The following SRRD variants were observed in gnomAD, a reference collection of about 807,000 sequenced individuals.
SRRD encodes the protein SRR1 domain containing.
A neutral mutation model predicts 30.7 loss-of-function variants in SRRD; 28 were observed. The ratio of observed to expected loss-of-function variants is 0.91; its 90% confidence interval spans 0.68 to 1.25. SRRD has a LOEUF of 1.25. Among genes scored for constraint, SRRD ranks in the 50% most tolerant of loss-of-function variants. The pLI is 0.00. For missense variants in SRRD, 415 were observed against 417.3 expected (o/e 0.99, Z 0.05); for synonymous variants, 161 against 159.6 (o/e 1.01, Z -0.07).
At chr22:26,486,426 G>A (rs1602180441) in intron 2 of SRRD, among the ~76,000 whole-genome samples, 1 of 152,304 alleles carries the variant, frequency 6.6e-6, no homozygotes, top group East Asian at 1.9e-4. Flanking sequence ...TAAACATAGT[G>A]TGTGGGTGGC....
intron 4 of SRRD, among the ~76,000 whole-genome samples, chr22:26,489,225 T>A (rs1412638148): frequency 6.6e-6 from 1 of 152,186 alleles, no homozygotes; most frequent in Non-Finnish European, 1.5e-5. Flanking sequence ...AGATCATCTT[T>A]CTGGGTGCCT....
chr22:26,489,757 C>CA (rs1920981923), intron 4 of SRRD, among the ~76,000 whole-genome samples: 1 of 152,156 alleles, frequency 6.6e-6, no homozygotes, highest in Non-Finnish European at 1.5e-5. Flanking sequence ...TTCTTGCCGT[C>CA]ATAGACCCAG....
chr22:26,491,047 A>G lies in SRRD; in HGVS notation c.787A>G (p.Lys263Glu), dbSNP rs762949025. ...EERLLARILQKNYPYIAKILK... is the reference protein window; with the variant it reads ...EERLLARILQENYPYIAKILK... ...TAGGTTGTTGGCAAGGATTCTGCAGAAAAATTATCCCTACATTGCAAAGGT... is the reference window on the plus strand; with the variant it reads ...TAGGTTGTTGGCAAGGATTCTGCAGGAAAATTATCCCTACATTGCAAAGGT... Residue 263 changes from lysine to glutamate, a missense_variant, in exon 6 of 7, where the codon AAA becomes GAA. Coordinates refer to ENST00000215917, the MANE Select transcript of SRRD (RefSeq NM_001013694.3). 1.2e-5 allele frequency: 20 copies of G among 1,612,434 alleles called. No individual in the cohort carries two copies. The highest frequency in any genetic ancestry group is 1.6e-5 in the Non-Finnish European group (19 of 1,179,568).
rs767467096 is a variant in SRRD at position 26,490,063 on chromosome 22, G to A, written c.629G>A (p.Arg210His). The A allele has an allele frequency of 9.9e-6, 16 of 1,613,844 alleles. No individual in the cohort carries two copies. In the Admixed American group the frequency reaches 1.5e-4, roughly 15 times the overall value. ...CCCCAGGAAGGGAAACGGAGTATTC[G>A]CGGGGAGCCTACCATCTTTTACATG... ...SENEEGKRSI[R>H]GEPTIFYMLH... The change falls in exon 5 of 7, where the codon CGC becomes CAC. Residue 210 changes from arginine (R) to histidine (H), a missense_variant. Coordinates refer to ENST00000215917, the MANE Select transcript of SRRD (RefSeq NM_001013694.3).
Position 26,490,148 on chromosome 22 carries a change from C to G in SRRD, c.714C>G (p.Ala238=). 6.2e-7 allele frequency: 1 copy of G among 1,614,088 alleles called. No homozygotes were observed. The highest frequency in any genetic ancestry group is 8.5e-7 in the Non-Finnish European group (1 of 1,180,018). Residue 238 remains alanine, a synonymous_variant, in exon 5 of 7, where the codon GCC becomes GCG. Transcript: ENST00000215917. ...TATGGAGTAACTGGTCAGTAGATGC[C>G]CTTTCTAAGATGGTCATCATTGGGA... ...NLLWSNWSVD[A]LSKMVIIGNS...
chr22:26,486,193 G>A (rs2091707556), intron 2 of SRRD, 130 bp downstream of exon 2: 1 of 944,476 alleles, frequency 1.1e-6, no homozygotes, highest in South Asian at 1.5e-5. Flanking sequence ...ACAGCTGTAT[G>A]TCTTTTGGCA....
rs562544500 is a variant in SRRD, at chr22:26,494,511, C to CT, written c.*2840dup. 458 of 715,720 alleles carry CT rather than the reference C, an allele frequency of 6.4e-4. 2 individuals carry two copies. In the African/African-American group the frequency reaches 6.9e-3, roughly 11 times the overall value. 44.3% of individuals were successfully genotyped at this position (715,720 alleles called of 1,614,324 possible). ...TAAAGTGCCCTTGCATGTAAACTCT[C>CT]TGAGCCTCAGCTTCCATGTCTACAC... On this transcript the variant is annotated 3_prime_UTR_variant, in exon 7 of 7. Transcript: ENST00000215917.
Position 26,483,993 on chromosome 22 carries a change from CGGG to C in SRRD, c.106_108del (p.Gly36del). 5 of 49,772 alleles carry C rather than the reference CGGG, an allele frequency of 1.0e-4. No individual in the cohort carries two copies. The highest frequency in any genetic ancestry group is 1.0e-3 in the South Asian group (4 of 3,984). The allele number at this position is 49,772 out of a possible 1,614,324, so 3.1% of individuals were successfully genotyped here. A position where few individuals can be genotyped will look rare whatever the true frequency, so the allele number is the denominator to read the frequency against. On this transcript the variant is annotated inframe_deletion, in exon 1 of 7. Coordinates refer to ENST00000215917, the MANE Select transcript of SRRD (RefSeq NM_001013694.3). The stretch of plus-strand genomic sequence containing the variant: ...GCCGCGGCGGAGGGAGGCGGCGCCC[CGGG>C]GGAGAGAGGCGGCGCCCCGGGGGAG...
intron 6 of SRRD, 176 bp from the exon 7 acceptor site, chr22:26,491,287 A>G: frequency 1.4e-6 from 1 of 711,140 alleles, no homozygotes; most frequent in Non-Finnish European, 2.4e-6. Context: ...AGTCCATGAT[A>G]TCCACTGTCC....
chr22:26,492,198 T>C lies in SRRD; in HGVS notation c.*526T>C. On this transcript the variant is annotated 3_prime_UTR_variant, in exon 7 of 7. Transcript: ENST00000215917. The stretch of plus-strand genomic sequence containing the variant: ...TTGTGCTCCTCAGCCTTGGTCTCAA[T>C]GAGGTCCTTAAAGTTCATGGGCACA... The C allele has an allele frequency of 6.2e-7, 1 of 1,614,232 alleles. No homozygotes were observed. Among genetic ancestry groups the C allele is most frequent in the Non-Finnish European group, 8.5e-7 (1 of 1,180,042 alleles).
chr22:26,492,016 C>A lies in SRRD; in HGVS notation c.*344C>A. ...CTGGTTCTGGACCTGCCACAGTTCA[C>A]TTGGCCATGTCGATCAGGCTCTGCA... is the stretch of plus-strand genomic sequence containing the variant. On this transcript the variant is annotated 3_prime_UTR_variant, in exon 7 of 7. Transcript: ENST00000215917. 6.3e-7 allele frequency: 1 copy of A among 1,591,970 alleles called. No homozygotes were observed. The highest frequency in any genetic ancestry group is 8.6e-7 in the Non-Finnish European group (1 of 1,169,150).
At chr22:26,486,842 T>C (rs914329362) in intron 2 of SRRD, among the ~76,000 whole-genome samples, 4 of 152,148 alleles carry the variant, frequency 2.6e-5, no homozygotes, top group Non-Finnish European at 4.4e-5. Flanking sequence ...TTTTCACCAA[T>C]TCTTTTATCA....
At chr22:26,488,915 C>T (rs1471070876) in intron 4 of SRRD, among the ~76,000 whole-genome samples, 1 of 152,182 alleles carries the variant, frequency 6.6e-6, no homozygotes, top group Non-Finnish European at 1.5e-5. Context: ...CCCATAGCAC[C>T]TGGCTGTGAG....
Position 26,491,846 on chromosome 22 carries a change from C to T in SRRD, c.*174C>T. 1.1e-6 allele frequency: 1 copy of T among 926,352 alleles called. No homozygotes were observed. Among genetic ancestry groups the T allele is most frequent in the Non-Finnish European group, 1.6e-6 (1 of 629,056 alleles). 57.4% of individuals were successfully genotyped at this position (926,352 alleles called of 1,614,324 possible). ...AGGACTTGGTATAAAGATTCCTGCC[C>T]TACGTGGCATTGTCCCATTTTACAT... On this transcript the variant is annotated 3_prime_UTR_variant, in exon 7 of 7. Transcript: ENST00000215917.
chr22:26,489,967 C>T, intron 4 of SRRD, 77 bp from the exon 5 acceptor site: 1 of 1,526,592 alleles, frequency 6.6e-7, no homozygotes, highest in Non-Finnish European at 9.0e-7. Flanking sequence ...TGATTATCCC[C>T]ATCCTTACCT....
At position 26,484,071 on chromosome 22, in the gene SRRD, G is replaced by A. The variant is rs2091629147; in HGVS notation, c.181G>A (p.Val61Ile). The A allele has an allele frequency of 1.3e-6, 2 of 1,499,272 alleles. No homozygotes were observed. The highest frequency in any genetic ancestry group is 2.8e-5 in the East Asian group (1 of 35,216). 92.9% of individuals were successfully genotyped at this position (1,499,272 alleles called of 1,614,324 possible). ...PEAEFESDSG[V>I]VLRRIWEAEK... ...GGCGGAGTTCGAGTCTGACAGCGGAGTCGTGCTTCGTCGCATCTGGGAGGC... is the reference window on the plus strand; with the variant it reads ...GGCGGAGTTCGAGTCTGACAGCGGAATCGTGCTTCGTCGCATCTGGGAGGC... The change falls in exon 1 of 7, where the codon GTC becomes ATC. Residue 61 changes from valine (V) to isoleucine (I), a missense_variant. Coordinates refer to ENST00000215917, the MANE Select transcript of SRRD (RefSeq NM_001013694.3).
At chr22:26,487,673 A>T (rs560499776) in intron 2 of SRRD, among the ~76,000 whole-genome samples, 1 of 152,348 alleles carries the variant, frequency 6.6e-6, no homozygotes, top group African/African-American at 2.4e-5. Context: ...CTTTAAAAGT[A>T]CGCATTTCAG....
intron 4 of SRRD, among the ~76,000 whole-genome samples, 156 bp from the exon 5 acceptor site, chr22:26,489,888 G>A (rs765257305): frequency 3.9e-5 from 6 of 152,156 alleles, no homozygotes; most frequent in Non-Finnish European, 7.4e-5. Context: ...TGTAACTATA[G>A]ATTTCATATA....
At chr22:26,490,601 T>TC (rs1294397130) in intron 5 of SRRD, among the ~76,000 whole-genome samples, 1 of 123,802 alleles carries the variant, frequency 8.1e-6, no homozygotes, top group Non-Finnish European at 1.7e-5. Context: ...TCTCACTCTG[T>TC]CCCCCCGGCT....
Sources: gnomAD v4.1 joint callset for allele counts (sites outside exome capture counted in the v4.1 genomes callset) on GRCh38, gnomAD v4.1.1 for gene constraint, MANE v1.5 for transcripts, NCBI Gene and HGNC (gene_info 2026-07-23, HGNC 2026-07-21) for gene names.